The following SYT16 variants were observed in gnomAD, a reference collection of about 807,000 sequenced individuals.
SYT16 encodes the protein synaptotagmin-16.
SYT16 carries 42 observed loss-of-function variants against 61.4 expected under a neutral mutation model. The ratio of observed to expected loss-of-function variants is 0.68; its 90% CI spans 0.53 to 0.89. The LOEUF is 0.89. Among genes scored for constraint, SYT16 ranks in the 40% least tolerant of loss-of-function variants. The pLI, the probability that SYT16 is intolerant of heterozygous loss-of-function variation, is 0.00. For synonymous variants in SYT16, 314 were observed against 302.3 expected, an observed-to-expected ratio of 1.04 and a Z score of -0.40; for missense variants, 804 against 807.3, an observed-to-expected ratio of 1.00 and a Z score of 0.05.
intron 1 of SYT16, among the ~76,000 whole-genome samples, chr14:61,843,509 GT>G (rs1432594775): frequency 1.3e-5 from 2 of 152,158 alleles, no homozygotes; most frequent in African/African-American, 4.8e-5. Flanking sequence ...TTTCCCTGAT[GT>G]TTTCTTGTAG....
chr14:62,098,488 G>A (rs1051431964), intron 7 of SYT16, among the ~76,000 whole-genome samples: 1 of 152,310 alleles, frequency 6.6e-6, no homozygotes, highest in East Asian at 1.9e-4. Context: ...AGTAAAATTT[G>A]AGTGCTTTCT....
intron 1 of SYT16, among the ~76,000 whole-genome samples, chr14:61,885,010 G>T (rs577587985): frequency 6.6e-6 from 1 of 152,308 alleles, no homozygotes; most frequent in South Asian, 2.1e-4. Context: ...TCCCATGAAA[G>T]ATCTGAGCAA....
chr14:61,913,129 T>C (rs915664427), intron 1 of SYT16, among the ~76,000 whole-genome samples: 1 of 152,192 alleles, frequency 6.6e-6, no homozygotes, highest in African/African-American at 2.4e-5. Flanking sequence ...TGCCTAGCCA[T>C]GTTTTTGTCA....
chr14:61,857,331 CAG>C (rs2140280584), intron 1 of SYT16, among the ~76,000 whole-genome samples: 1 of 152,286 alleles, frequency 6.6e-6, no homozygotes, highest in Admixed American at 6.5e-5. Flanking sequence ...AGGCTGAAAG[CAG>C]AGAGAGATGA....
At chr14:61,893,597 C>T (rs773689274) in intron 1 of SYT16, among the ~76,000 whole-genome samples, 1 of 152,114 alleles carries the variant, frequency 6.6e-6, no homozygotes, top group Non-Finnish European at 1.5e-5. Context: ...GTGCTTGTGA[C>T]GTTTTCTTTT....
intron 1 of SYT16, among the ~76,000 whole-genome samples, chr14:61,885,692 A>G (rs1345948704): frequency 6.6e-6 from 1 of 152,224 alleles, no homozygotes; most frequent in African/African-American, 2.4e-5. Context: ...AAATAAAGCA[A>G]ATATCTCAAT....
chr14:61,927,117 A>G (rs929787201), intron 1 of SYT16, among the ~76,000 whole-genome samples: 1 of 152,178 alleles, frequency 6.6e-6, no homozygotes, highest in Admixed American at 6.5e-5. Context: ...CAGCCCAGCT[A>G]TTGCCTCTGG....
At chr14:62,001,881 T>C (rs559608809) in intron 3 of SYT16, among the ~76,000 whole-genome samples, 1 of 152,220 alleles carries the variant, frequency 6.6e-6, no homozygotes, top group South Asian at 2.1e-4. Context: ...AAGCCTTTTT[T>C]ATTTTTGTTA....
At chr14:62,054,083 C>T (rs1425234725) in intron 3 of SYT16, among the ~76,000 whole-genome samples, 1 of 152,160 alleles carries the variant, frequency 6.6e-6, no homozygotes, top group Admixed American at 6.5e-5. Context: ...TGCTAATATT[C>T]ATGTGTTTTA....
chr14:61,946,076 GGA>G (rs931477003), intron 1 of SYT16, among the ~76,000 whole-genome samples: 16 of 152,080 alleles, frequency 1.1e-4, no homozygotes, highest in African/African-American at 3.9e-4. Flanking sequence ...AGGGGCTGGA[GGA>G]GAGATAGCAT....
At chr14:62,073,297 T>C (rs935702212) in intron 4 of SYT16, among the ~76,000 whole-genome samples, 1 of 152,220 alleles carries the variant, frequency 6.6e-6, no homozygotes, top group Non-Finnish European at 1.5e-5. Context: ...CTTGGCAAAG[T>C]AAAATTTTGT....
At chr14:61,863,283 TG>T (rs140301976) in intron 1 of SYT16, among the ~76,000 whole-genome samples, 20,031 of 152,200 alleles carry the variant, frequency 0.13, 1,424 homozygotes, top group African/African-American at 0.18. Flanking sequence ...CTCCAGCATT[TG>T]GTGTTGCCAG....
Position 62,078,198 on chromosome 14 carries a change from T to C in SYT16, c.994-2636T>C, listed in dbSNP as rs983422235. Among the ~76,000 whole-genome samples, 18 of 100,314 alleles carry C rather than the reference T, an allele frequency of 1.8e-4. 1 individual carries two copies. Among genetic ancestry groups the C allele is most frequent in the South Asian group, 7.1e-4 (2 of 2,836 alleles). 65.8% of individuals were successfully genotyped at this position (100,314 alleles called of 152,430 possible). ...ACACACACACACACACACACACACA[T>C]ATGTCTATATGTAGAAATAGTTATG... On this transcript the variant is annotated intron_variant, in intron 5 of 7. Coordinates refer to ENST00000683842, the MANE Select transcript of SYT16 (RefSeq NM_001367656.1).
chr14:62,062,442 C>A (rs2055866768), intron 3 of SYT16, among the ~76,000 whole-genome samples: 1 of 152,160 alleles, frequency 6.6e-6, no homozygotes, highest in Admixed American at 6.5e-5. Flanking sequence ...GAAAAGGGTG[C>A]AGAGCCCAGC....
intron 6 of SYT16, among the ~76,000 whole-genome samples, chr14:62,081,881 G>T (rs901093705): frequency 6.6e-6 from 1 of 152,138 alleles, no homozygotes; most frequent in Non-Finnish European, 1.5e-5. Context: ...AACAGATCAG[G>T]GAGCTCTGTA....
intron 3 of SYT16, among the ~76,000 whole-genome samples, chr14:62,012,185 G>C (rs1008143087): frequency 1.3e-5 from 2 of 152,120 alleles, no homozygotes; most frequent in African/African-American, 4.8e-5. Flanking sequence ...CCTTTGCTTA[G>C]GGTCTCACAT....
At chr14:61,960,283 G>T (rs1595021013) in intron 1 of SYT16, among the ~76,000 whole-genome samples, 1 of 152,044 alleles carries the variant, frequency 6.6e-6, no homozygotes, top group Non-Finnish European at 1.5e-5. Flanking sequence ...TCTATAAATT[G>T]CTTTGGGCAG....
At chr14:62,099,875 GTGTCTGTCTGTC>G (rs955811742) in intron 7 of SYT16, among the ~76,000 whole-genome samples, 2 of 46,484 alleles carry the variant, frequency 4.3e-5, no homozygotes, top group South Asian at 4.9e-4. Context: ...AAGACCTTGT[GTGTCTGTCTGTC>G]TGTCTGTCTG....
chr14:61,947,763 A>G (rs1022380199), intron 1 of SYT16, among the ~76,000 whole-genome samples: 15 of 152,224 alleles, frequency 9.9e-5, no homozygotes, highest in African/African-American at 9.6e-5. Context: ...TAAACTAACA[A>G]TGATGCACTT....
Sources: gnomAD v4.1 joint callset for allele counts (sites outside exome capture counted in the v4.1 genomes callset) on GRCh38, gnomAD v4.1.1 for gene constraint, MANE v1.5 for transcripts, NCBI Gene and HGNC (gene_info 2026-07-23, HGNC 2026-07-21) for gene names.